The following PRH1 variants were observed in gnomAD, a reference collection of about 807,000 sequenced individuals.
PRH1 encodes proline rich protein HaeIII subfamily 1.
PRH1 carries 7 observed loss-of-function variants against 7.9 expected under a neutral mutation model. The ratio of observed to expected loss-of-function variants is 0.89; its 90% confidence interval spans 0.50 to 1.67. The LOEUF (loss-of-function observed/expected upper bound fraction) is 1.67, where lower values mean the gene tolerates loss of function less well. Ranked by LOEUF, PRH1 falls within the 40% of genes most tolerant of loss-of-function variation. The pLI, the probability that PRH1 is intolerant of heterozygous loss-of-function variation, is 0.00. For missense variants in PRH1, 109 were observed against 223.6 expected, an observed-to-expected ratio of 0.49 and a Z score of 3.27; for synonymous variants, 45 against 80.8, an observed-to-expected ratio of 0.56 and a Z score of 2.38.
chr12:11,153,261 G>A lies in PRH1; in HGVS notation n.39+18161C>T, dbSNP rs570320747. ...CTTAAGGCTTTGAATTACTAGCTTC[G>A]GATTATGTAAACTAACATAACATTC... On this transcript the variant is annotated intron_variant and non_coding_transcript_variant, in intron 1 of 1. Transcript: ENST00000541175. Among the ~76,000 whole-genome samples the A allele has an allele frequency of 5.3e-5, 8 of 152,170 alleles. No individual in the cohort carries two copies. In the East Asian group the frequency reaches 5.8e-4, roughly 11 times the overall value.
intron 1 of PRH1, among the ~76,000 whole-genome samples, chr12:11,010,135 A>G (rs1375112659): frequency 6.6e-6 from 1 of 152,042 alleles, no homozygotes; most frequent in African/African-American, 2.4e-5. Context: ...AATGCATTTT[A>G]AACTAAACTT....
chr12:10,966,770 C>T (rs568636667), intron 2 of PRH1, among the ~76,000 whole-genome samples: 153 of 151,988 alleles, frequency 1.0e-3, no homozygotes, highest in African/African-American at 3.6e-3. Context: ...AATAGAGGAG[C>T]CAAAAGAAAA....
intron 1 of PRH1, among the ~76,000 whole-genome samples, chr12:11,035,181 A>G (rs191468154): frequency 0.01 from 1,596 of 152,028 alleles, 18 homozygotes; most frequent in Non-Finnish European, 0.016. Context: ...GAAGTCTGAT[A>G]GTTTCTAAAA....
chr12:11,102,283 C>T (rs1353944734), intron 1 of PRH1, among the ~76,000 whole-genome samples: 2 of 152,190 alleles, frequency 1.3e-5, no homozygotes, highest in African/African-American at 4.8e-5. Context: ...CGCTACCTGA[C>T]TTCAAACTAT....
chr12:10,993,842 A>G lies in PRH1; in HGVS notation c.-125-20121T>C, dbSNP rs1290464042. On this transcript the variant is annotated intron_variant, in intron 1 of 3. Transcript: ENST00000539853. ...GGCATGCATGCATAGTGGGCATTAT[A>G]AGACTCTGTGCATGCTTCTCACAAG... is the stretch of plus-strand genomic sequence containing the variant. Among the ~76,000 whole-genome samples the G allele has an allele frequency of 3.9e-5, 6 of 152,214 alleles. No individual in the cohort carries two copies. In the East Asian group the frequency reaches 1.2e-3, roughly 29 times the overall value.
intron 1 of PRH1, among the ~76,000 whole-genome samples, chr12:11,147,024 T>C (rs915883137): frequency 2.0e-5 from 3 of 152,218 alleles, no homozygotes; most frequent in African/African-American, 7.2e-5. Flanking sequence ...TTCCAAGTTT[T>C]CTTGCCTATC....
chr12:10,973,814 C>T (rs1270076252), intron 1 of PRH1: 3 of 684,930 alleles, frequency 4.4e-6, no homozygotes, highest in Non-Finnish European at 2.7e-6. Context: ...AAATCCAGCA[C>T]AAGGAGAGTC....
At chr12:11,074,493 C>T (rs1369382637) in intron 1 of PRH1, among the ~76,000 whole-genome samples, 1 of 138,144 alleles carries the variant, frequency 7.2e-6, no homozygotes, top group Non-Finnish European at 1.6e-5. Flanking sequence ...AATCAACTGT[C>T]AAGTCTCAAG....
At chr12:11,111,549 A>C (rs1410823339) in intron 1 of PRH1, among the ~76,000 whole-genome samples, 2 of 152,220 alleles carry the variant, frequency 1.3e-5, no homozygotes, top group East Asian at 3.8e-4. Flanking sequence ...CTCTTGAATG[A>C]CTACTGAGTA....
intron 1 of PRH1, among the ~76,000 whole-genome samples, chr12:10,983,445 T>C (rs1939452771): frequency 6.6e-6 from 1 of 152,204 alleles, no homozygotes; most frequent in African/African-American, 2.4e-5. Context: ...TGTCTTCTCT[T>C]TTCTTGGTCA....
At chr12:10,959,471 C>T (rs1023518942) in intron 2 of PRH1, among the ~76,000 whole-genome samples, 6 of 151,954 alleles carry the variant, frequency 3.9e-5, no homozygotes, top group Admixed American at 6.6e-5. Flanking sequence ...AGGAAAAAAA[C>T]GTAAATTTAG....
At chr12:11,061,730 T>C in intron 1 of PRH1, 1 of 1,614,116 alleles carries the variant, frequency 6.2e-7, no homozygotes, top group Non-Finnish European at 8.5e-7. Context: ...AGGGTCAGAG[T>C]GAAGGGAACT....
upstream of PRH1, among the ~76,000 whole-genome samples, chr12:11,047,657 T>C (rs1204981460): frequency 6.6e-6 from 1 of 152,182 alleles, no homozygotes; most frequent in Non-Finnish European, 1.5e-5. Flanking sequence ...TCTAATCTAT[T>C]CACATACTAC....
At chr12:10,913,774 C>T (rs1252223622) in intron 2 of PRH1, among the ~76,000 whole-genome samples, 1 of 152,194 alleles carries the variant, frequency 6.6e-6, no homozygotes, top group Non-Finnish European at 1.5e-5. Context: ...TTACTCACCA[C>T]TATAAGACTG....
At chr12:10,930,854 G>A (rs1265334649) in intron 2 of PRH1, 3 of 1,613,390 alleles carry the variant, frequency 1.9e-6, no homozygotes, top group East Asian at 2.2e-5. Flanking sequence ...CCCCAACAGG[G>A]AGGCCATCCC....
intron 1 of PRH1, among the ~76,000 whole-genome samples, chr12:11,136,648 A>G (rs1274052100): frequency 4.6e-5 from 7 of 152,148 alleles, no homozygotes; most frequent in African/African-American, 1.4e-4. Context: ...TATTTTATAC[A>G]GCAAACATTC....
intron 2 of PRH1, among the ~76,000 whole-genome samples, chr12:10,949,554 C>T (rs1163733114): frequency 6.6e-6 from 1 of 152,140 alleles, no homozygotes; most frequent in Non-Finnish European, 1.5e-5. Flanking sequence ...TACCATAATG[C>T]ACTATGCTTC....
intron 1 of PRH1, among the ~76,000 whole-genome samples, chr12:11,150,418 T>C (rs1189951119): frequency 9.9e-5 from 15 of 151,904 alleles, no homozygotes; most frequent in Non-Finnish European, 1.8e-4. Flanking sequence ...TTGGAACCAA[T>C]CCAAATGTCC....
intron 2 of PRH1, among the ~76,000 whole-genome samples, chr12:10,973,024 T>C (rs978037218): frequency 1.4e-5 from 2 of 144,554 alleles, no homozygotes; most frequent in African/African-American, 5.1e-5. Context: ...AGGGAGGTCA[T>C]GTAGGTTGAA....
Sources: allele counts gnomAD v4.1 joint callset (sites outside exome capture counted in the v4.1 genomes callset), GRCh38; gene constraint gnomAD v4.1.1; transcripts MANE v1.5; gene names NCBI Gene and HGNC (gene_info 2026-07-23, HGNC 2026-07-21).